Variants in LGR5 observed in about 807,000 individuals in gnomAD.
LGR5 encodes leucine rich repeat containing G protein-coupled receptor 5, also known as leucine-rich repeat-containing G protein-coupled receptor 5.
LGR5 carries 54 observed loss-of-function variants against 76.7 expected under a neutral mutation model. That is an observed-to-expected ratio of 0.70 (90% CI 0.57 to 0.88). LGR5 has a LOEUF of 0.88. LGR5 is among the 40% of genes least tolerant of loss of function. The pLI is 0.00. For missense variants in LGR5, 1,078 were observed against 1,073.3 expected, an observed-to-expected ratio of 1.00 and a Z score of -0.06; for synonymous variants, 406 against 421.9, an observed-to-expected ratio of 0.96 and a Z score of 0.46.
chr12:71,455,750 AG>A (rs1351952922), intron 1 of LGR5, among the ~76,000 whole-genome samples: 2 of 152,194 alleles, frequency 1.3e-5, no homozygotes, highest in Admixed American at 6.5e-5. Context: ...TAAAGATTAA[AG>A]GTAATGACTG....
At chr12:71,456,325 C>T (rs927869338) in intron 1 of LGR5, among the ~76,000 whole-genome samples, 36 of 152,132 alleles carry the variant, frequency 2.4e-4, no homozygotes, top group African/African-American at 8.7e-4. Flanking sequence ...ATTTTTATCC[C>T]TTTATTAGAT....
At position 71,539,541 on chromosome 12, in the gene LGR5, G is replaced by A. The variant is rs1268238725; in HGVS notation, c.428+4355G>A. On this transcript the variant is annotated intron_variant, in intron 4 of 17. Transcript: ENST00000266674. ...TGCCCAGGCTGGAGTACAGTGGTGC[G>A]ATCTCAGCTCGCTGCAACCTCCACC... Among the ~76,000 whole-genome samples the A allele has an allele frequency of 7.2e-5, 11 of 152,196 alleles. 1 individual carries two copies. In the South Asian group the frequency reaches 2.1e-3, roughly 29 times the overall value.
chr12:71,580,391 A>T lies in LGR5; in HGVS notation c.1520A>T (p.His507Leu). The T allele has an allele frequency of 6.2e-7, 1 of 1,613,894 alleles. No homozygotes were observed. The highest frequency in any genetic ancestry group is 8.5e-7 in the Non-Finnish European group (1 of 1,179,940). Residue 507 changes from histidine (H) to leucine (L), a missense_variant, in exon 16 of 18, where the codon CAT (histidine) becomes CTT (leucine). Coordinates refer to ENST00000266674, the MANE Select transcript of LGR5 (RefSeq NM_003667.4). The part of the protein sequence containing the change: ...KGDNSSMDDL[H>L]KKDAGMFQAQ... ...GACAACAGCAGTATGGACGACCTTCATAAGAAAGATGCTGGAATGTTTCAG... is the reference window on the plus strand; with the variant it reads ...GACAACAGCAGTATGGACGACCTTCTTAAGAAAGATGCTGGAATGTTTCAG...
At chr12:71,448,322 G>A (rs981372858) in intron 1 of LGR5, 2 of 152,168 alleles carry the variant, frequency 1.3e-5, no homozygotes, top group African/African-American at 4.8e-5. Context: ...CCACAAAAGT[G>A]TACTTCTCAG....
At chr12:71,497,419 T>G (rs761469043) in intron 1 of LGR5, among the ~76,000 whole-genome samples, 3 of 151,810 alleles carry the variant, frequency 2.0e-5, no homozygotes, top group Non-Finnish European at 2.9e-5. Flanking sequence ...GAAGGAAAAT[T>G]TATCCGGCCG....
intron 4 of LGR5, among the ~76,000 whole-genome samples, chr12:71,548,336 T>C (rs1006221172): frequency 5.7e-4 from 83 of 146,622 alleles, no homozygotes; most frequent in Admixed American, 3.3e-3. Flanking sequence ...CGTAGATACA[T>C]ATACACATGC....
At chr12:71,551,850 A>C (rs184085313) in intron 4 of LGR5, among the ~76,000 whole-genome samples, 261 of 152,324 alleles carry the variant, frequency 1.7e-3, no homozygotes, top group Non-Finnish European at 1.4e-3. Flanking sequence ...GAAAGTTGTT[A>C]ATTTTATTAT....
At chr12:71,567,732 C>G (rs893491443) in intron 11 of LGR5, among the ~76,000 whole-genome samples, 1 of 152,090 alleles carries the variant, frequency 6.6e-6, no homozygotes, top group East Asian at 1.9e-4. Context: ...CCCAGCCTGC[C>G]GTGTCACTTC....
chr12:71,454,842 GA>G (rs35231654), intron 1 of LGR5, among the ~76,000 whole-genome samples: 86 of 140,710 alleles, frequency 6.1e-4, no homozygotes, highest in Middle Eastern at 7.2e-3. Flanking sequence ...AAAAGAACAA[GA>G]AAAAAAAAAC....
chr12:71,456,952 T>C (rs1219027567), intron 1 of LGR5, among the ~76,000 whole-genome samples: 1 of 152,092 alleles, frequency 6.6e-6, no homozygotes, highest in Non-Finnish European at 1.5e-5. Flanking sequence ...ACCCTAAAAT[T>C]TGTTCAGATG....
intron 4 of LGR5, among the ~76,000 whole-genome samples, chr12:71,536,854 G>C (rs1876616245): frequency 6.6e-6 from 1 of 152,216 alleles, no homozygotes; most frequent in Non-Finnish European, 1.5e-5. Context: ...GATATTCACT[G>C]TTCACCAGGT....
At chr12:71,471,994 T>C (rs1385119557) in intron 1 of LGR5, among the ~76,000 whole-genome samples, 1 of 152,174 alleles carries the variant, frequency 6.6e-6, no homozygotes. Flanking sequence ...CTTTGGGGAC[T>C]CAGGGAAAAG....
intron 4 of LGR5, among the ~76,000 whole-genome samples, chr12:71,545,557 G>A (rs936962279): frequency 9.2e-5 from 14 of 151,482 alleles, no homozygotes; most frequent in Non-Finnish European, 1.8e-4. Flanking sequence ...CCTATAAACT[G>A]TATTATGCAG....
intron 1 of LGR5, among the ~76,000 whole-genome samples, chr12:71,456,576 GAAAGAA>G (rs1291853379): frequency 1.3e-5 from 2 of 152,142 alleles, no homozygotes; most frequent in African/African-American, 4.8e-5. Flanking sequence ...CCACTGAAGT[GAAAGAA>G]GGCAACCATT....
At chr12:71,577,672 TTTAGC>T (rs1478640434) in intron 13 of LGR5, among the ~76,000 whole-genome samples, 1 of 152,218 alleles carries the variant, frequency 6.6e-6, no homozygotes, top group East Asian at 1.9e-4. Context: ...AAGTCAACCT[TTTAGC>T]AAGAGTAAAA....
At chr12:71,511,373 C>T (rs1481976595) in intron 2 of LGR5, among the ~76,000 whole-genome samples, 1 of 152,178 alleles carries the variant, frequency 6.6e-6, no homozygotes. Flanking sequence ...TGTGCCCCCA[C>T]CCCAACCTGG....
intron 2 of LGR5, among the ~76,000 whole-genome samples, chr12:71,509,825 C>T (rs573554721): frequency 6.6e-6 from 1 of 152,126 alleles, no homozygotes; most frequent in African/African-American, 2.4e-5. Context: ...ACATGAGAAG[C>T]TCTAGGGGGG....
At chr12:71,541,930 A>G (rs1301704369) in intron 4 of LGR5, among the ~76,000 whole-genome samples, 1 of 152,236 alleles carries the variant, frequency 6.6e-6, no homozygotes, top group Non-Finnish European at 1.5e-5. Context: ...ATGGGCACTG[A>G]TGAAAAGAAG....
intron 2 of LGR5, among the ~76,000 whole-genome samples, chr12:71,508,627 G>A (rs1012143899): frequency 1.3e-5 from 2 of 151,150 alleles, no homozygotes; most frequent in African/African-American, 4.9e-5. Flanking sequence ...TGTGGCGCGC[G>A]CCTGTAGTTC....
Sources: gnomAD v4.1 joint callset for allele counts (sites outside exome capture counted in the v4.1 genomes callset) on GRCh38, gnomAD v4.1.1 for gene constraint, MANE v1.5 for transcripts, NCBI Gene and HGNC (gene_info 2026-07-23, HGNC 2026-07-21) for gene names.